Variants in MYO3A observed in about 807,000 individuals in gnomAD.
MYO3A encodes myosin IIIA.
MYO3A carries 180 observed loss-of-function variants against 192.7 expected under a neutral mutation model. The observed-to-expected ratio is 0.93, with a 90% CI of 0.83 to 1.06. The LOEUF is 1.06. Ranked by LOEUF, MYO3A falls within the 50% of genes least tolerant of loss-of-function variation. The pLI is 0.00. For missense variants in MYO3A, 1,896 were observed against 1,905.0 expected (o/e 1.00, Z 0.09); for synonymous variants, 628 against 645.3 (o/e 0.97, Z 0.41).
chr10:25,948,765 T>C (rs971808356), intron 2 of MYO3A, among the ~76,000 whole-genome samples: 1 of 152,144 alleles, frequency 6.6e-6, no homozygotes, highest in African/African-American at 2.4e-5. Context: ...TGAAATTATT[T>C]AATGTATTAT....
In MYO3A at chr10:26,157,474, A is replaced by G; in HGVS notation, c.2958A>G (p.Leu986=). The G allele has an allele frequency of 6.2e-7, 1 of 1,614,200 alleles. No individual in the cohort carries two copies. The highest frequency in any genetic ancestry group is 8.5e-7 in the Non-Finnish European group (1 of 1,180,002). Residue 986 remains leucine (L), a synonymous_variant, in exon 26 of 35, where the codon CTA becomes CTG. Transcript: ENST00000642920. ...GILETARIRR[L]GFSHRILFAN... is the part of the protein sequence containing the mutation. Reference sequence around the variant, plus strand: ...TGGAAACAGCAAGAATTCGAAGACTAGGATTCTCCCATCGGATACTTTTTG... The same window carrying G: ...TGGAAACAGCAAGAATTCGAAGACTGGGATTCTCCCATCGGATACTTTTTG...
At chr10:25,977,347 A>G (rs995800110) in intron 4 of MYO3A, among the ~76,000 whole-genome samples, 5 of 152,192 alleles carry the variant, frequency 3.3e-5, no homozygotes, top group African/African-American at 1.2e-4. Context: ...CTTTGGTAAC[A>G]GAGAAATAAA....
chr10:25,988,014 C>T (rs905174776), intron 4 of MYO3A, among the ~76,000 whole-genome samples: 1 of 152,154 alleles, frequency 6.6e-6, no homozygotes, highest in African/African-American at 2.4e-5. Flanking sequence ...TCGAATACTA[C>T]TCAGCCATAA....
At chr10:25,958,114 G>A (rs1837678572) in intron 4 of MYO3A, among the ~76,000 whole-genome samples, 1 of 152,076 alleles carries the variant, frequency 6.6e-6, no homozygotes, top group Non-Finnish European at 1.5e-5. Context: ...GTCAAGTTTT[G>A]CTTTTGTTGG....
At chr10:26,103,680 A>G (rs1837615921) in intron 17 of MYO3A, among the ~76,000 whole-genome samples, 1 of 152,290 alleles carries the variant, frequency 6.6e-6, no homozygotes, top group South Asian at 2.1e-4. Flanking sequence ...GTGTGGATGT[A>G]AGTGTTCATT....
intron 29 of MYO3A, among the ~76,000 whole-genome samples, chr10:26,170,835 A>G (rs1341921606): frequency 6.6e-6 from 1 of 152,212 alleles, no homozygotes; most frequent in East Asian, 1.9e-4. Flanking sequence ...ATCCATATCT[A>G]AATGTATCCC....
intron 15 of MYO3A, among the ~76,000 whole-genome samples, chr10:26,094,962 T>C (rs1836924969): frequency 1.3e-5 from 2 of 152,206 alleles, no homozygotes; most frequent in African/African-American, 4.8e-5. Context: ...TTAATAATAA[T>C]AATTCCTTTT....
intron 16 of MYO3A, 37 bp downstream of exon 16, chr10:26,096,516 T>C (rs1324813295): frequency 6.2e-7 from 1 of 1,601,930 alleles, no homozygotes; most frequent in Non-Finnish European, 8.6e-7. Flanking sequence ...AATAATACTT[T>C]CACTTTTCCC....
intron 32 of MYO3A, among the ~76,000 whole-genome samples, chr10:26,195,341 T>C (rs1384688542): frequency 6.6e-6 from 1 of 152,226 alleles, no homozygotes; most frequent in African/African-American, 2.4e-5. Flanking sequence ...GCTAATACCC[T>C]CTTCCAGGCC....
intron 11 of MYO3A, among the ~76,000 whole-genome samples, chr10:26,067,758 G>A (rs1432989319): frequency 2.6e-5 from 4 of 152,072 alleles, no homozygotes; most frequent in Admixed American, 6.5e-5. Context: ...TTTGTTCCAC[G>A]TAGTCAGATC....
At chr10:26,055,588 G>A (rs1844265537) in intron 10 of MYO3A, among the ~76,000 whole-genome samples, 1 of 152,116 alleles carries the variant, frequency 6.6e-6, no homozygotes, top group South Asian at 2.1e-4. Flanking sequence ...GTACTTTTAT[G>A]GGTTTTACCT....
chr10:26,125,529 G>A lies in MYO3A; in HGVS notation c.2035G>A (p.Ala679Thr). Residue 679 changes from alanine (A) to threonine (T), a missense_variant, in exon 19 of 35, where the codon GCT becomes ACT. Physicochemically the swap from Ala to Thr is moderately conservative, Grantham distance 58. Transcript: ENST00000642920. ...AGCTACCGATGTCAGGGATGCCATG[G>A]CTAAAACTTTATATGGACGTCTCTT... ...EKATDVRDAM[A>T]KTLYGRLFSW... is the part of the protein sequence containing the mutation. 3.1e-6 allele frequency: 5 copies of A among 1,613,988 alleles called. No individual in the cohort carries two copies. The highest frequency in any genetic ancestry group is 4.2e-6 in the Non-Finnish European group (5 of 1,179,892).
At chr10:26,108,224 A>G (rs1772084715) in intron 17 of MYO3A, among the ~76,000 whole-genome samples, 1 of 152,324 alleles carries the variant, frequency 6.6e-6, no homozygotes, top group Non-Finnish European at 1.5e-5. Context: ...AGGCTTTTAG[A>G]TGAACTCTTT....
chr10:26,063,173 G>A (rs925044244), intron 10 of MYO3A, among the ~76,000 whole-genome samples: 6 of 152,138 alleles, frequency 3.9e-5, no homozygotes, highest in Admixed American at 3.9e-4. Context: ...GAAGTCAATG[G>A]CTGGCTGGAT....
chr10:25,952,042 C>G, intron 2 of MYO3A, 52 bp from the exon 3 acceptor site: 1 of 1,374,024 alleles, frequency 7.3e-7, no homozygotes, highest in Non-Finnish European at 1.0e-6. Context: ...TTTGTGTGTG[C>G]CATTTGATAT....
chr10:26,191,105 C>A (rs1052112510), intron 31 of MYO3A, among the ~76,000 whole-genome samples: 7 of 152,104 alleles, frequency 4.6e-5, no homozygotes, highest in Admixed American at 1.3e-4. Flanking sequence ...TTAAGAATAT[C>A]TAATAACTTA....
intron 4 of MYO3A, among the ~76,000 whole-genome samples, chr10:25,964,328 G>A (rs1838130597): frequency 6.6e-6 from 1 of 152,068 alleles, no homozygotes; most frequent in African/African-American, 2.4e-5. Context: ...ATTAGAAAAT[G>A]TCTATTAGGT....
chr10:26,108,206 T>C (rs1837948564), intron 17 of MYO3A, among the ~76,000 whole-genome samples: 1 of 152,240 alleles, frequency 6.6e-6, no homozygotes, highest in Admixed American at 6.5e-5. Flanking sequence ...TTACTCTAAA[T>C]GTGAATCAGG....
chr10:26,165,929 A>C (rs1327897652), intron 26 of MYO3A, 138 bp from the exon 27 acceptor site: 2 of 788,064 alleles, frequency 2.5e-6, no homozygotes, highest in Admixed American at 3.4e-5. Flanking sequence ...AGTTGTTCTG[A>C]GGATGCCTAA....
Sources: allele counts gnomAD v4.1 joint callset (sites outside exome capture counted in the v4.1 genomes callset), GRCh38; gene constraint gnomAD v4.1.1; transcripts MANE v1.5; gene names NCBI Gene and HGNC (gene_info 2026-07-23, HGNC 2026-07-21).